The following IGSF11 variants were observed in gnomAD, a reference collection of about 807,000 sequenced individuals.
IGSF11 encodes immunoglobulin superfamily member 11, also known as CXADR like 1.
In IGSF11, 22 loss-of-function variants were observed where a neutral mutation model predicts 41.0. That is an observed-to-expected ratio of 0.54 (90% CI 0.38 to 0.77). IGSF11 has a LOEUF of 0.77. Ranked by LOEUF, IGSF11 falls within the 30% of genes least tolerant of loss-of-function variation. The pLI, the probability that IGSF11 is intolerant of heterozygous loss-of-function variation, is 0.00. For missense variants in IGSF11, 444 were observed against 530.8 expected, an observed-to-expected ratio of 0.84 and a Z score of 1.61; for synonymous variants, 219 against 201.3, an observed-to-expected ratio of 1.09 and a Z score of -0.74.
intron 1 of IGSF11, among the ~76,000 whole-genome samples, chr3:119,103,525 G>A (rs2076972071): frequency 6.6e-6 from 1 of 152,070 alleles, no homozygotes; most frequent in Non-Finnish European, 1.5e-5. Context: ...TTTCTGCTAA[G>A]CCAAGAATTT....
At chr3:119,129,326 T>C (rs1032912196) in intron 1 of IGSF11, among the ~76,000 whole-genome samples, 14 of 152,110 alleles carry the variant, frequency 9.2e-5, no homozygotes, top group African/African-American at 3.1e-4. Context: ...TCTAAAGGTA[T>C]AAAATTCACT....
In IGSF11 at chr3:118,902,460, C is replaced by T. The variant is rs188729492; in HGVS notation, c.*60G>A. 4 of 657,354 alleles carry T rather than the reference C, an allele frequency of 6.1e-6. No homozygotes were observed. In the Admixed American group the frequency reaches 8.4e-5, roughly 14 times the overall value. The allele number at this position is 657,354 out of a possible 1,614,324, so 40.7% of individuals were successfully genotyped here. On this transcript the variant is annotated 3_prime_UTR_variant, in exon 7 of 7. Coordinates refer to ENST00000393775, the MANE Select transcript of IGSF11 (RefSeq NM_001015887.3). ...CTTTCCCAGCACTCCCCACCCCACC[C>T]TCCCCCTTGTATGAGGGCATTCCAT...
chr3:119,022,526 T>C (rs949976044), intron 1 of IGSF11, among the ~76,000 whole-genome samples: 2 of 152,208 alleles, frequency 1.3e-5, no homozygotes, highest in Non-Finnish European at 2.9e-5. Flanking sequence ...GTGAATTATA[T>C]CTCAATAAAG....
intron 4 of IGSF11, among the ~76,000 whole-genome samples, chr3:118,906,038 AG>A (rs527737609): frequency 1.0e-3 from 159 of 152,340 alleles, no homozygotes; most frequent in African/African-American, 3.7e-3. Flanking sequence ...AGGGAATTTA[AG>A]GTAACACCAA....
At chr3:119,009,367 G>C (rs1937817514) in intron 1 of IGSF11, among the ~76,000 whole-genome samples, 1 of 152,164 alleles carries the variant, frequency 6.6e-6, no homozygotes, top group African/African-American at 2.4e-5. Context: ...ACCTAGAATT[G>C]TAATCCCCAC....
intron 1 of IGSF11, among the ~76,000 whole-genome samples, chr3:119,044,443 A>G (rs935327521): frequency 2.6e-5 from 4 of 152,040 alleles, no homozygotes; most frequent in African/African-American, 7.2e-5. Flanking sequence ...AAGAATAATT[A>G]GTATTCCTGA....
chr3:119,003,800 C>T (rs1383265052), intron 1 of IGSF11, among the ~76,000 whole-genome samples: 1 of 151,158 alleles, frequency 6.6e-6, no homozygotes, highest in Non-Finnish European at 1.5e-5. Context: ...GCCTTGCATC[C>T]CAGGGATGAA....
At chr3:118,958,559 T>C (rs1021657423) in intron 1 of IGSF11, among the ~76,000 whole-genome samples, 3 of 152,032 alleles carry the variant, frequency 2.0e-5, no homozygotes, top group Admixed American at 2.0e-4. Context: ...AGCAGCAAGA[T>C]AAAAAAATTA....
intron 1 of IGSF11, among the ~76,000 whole-genome samples, chr3:119,005,192 G>C (rs1231234990): frequency 6.9e-6 from 1 of 145,770 alleles, no homozygotes; most frequent in Non-Finnish European, 1.5e-5. Flanking sequence ...TCCTCTTGTT[G>C]AATTGATCCC....
intron 1 of IGSF11, among the ~76,000 whole-genome samples, chr3:119,003,804 G>C (rs1351984831): frequency 6.6e-6 from 1 of 151,294 alleles, no homozygotes; most frequent in Non-Finnish European, 1.5e-5. Context: ...TGCATCCCAG[G>C]GATGAAGCCC....
rs191859946 is a variant in IGSF11 at position 118,993,660 on chromosome 3, A to G, written c.52+40871T>C. Among the ~76,000 whole-genome samples, 29 of 152,352 alleles carry G rather than the reference A, an allele frequency of 1.9e-4. 1 individual carries two copies. The highest frequency in any genetic ancestry group is 6.7e-4 in the African/African-American group (28 of 41,580). ...AAAAAGTTATATATCCATACATGTA[A>G]TATTATTCAGCAATAAAAAGCAATA... is the stretch of plus-strand genomic sequence containing the variant. On this transcript the variant is annotated intron_variant, in intron 1 of 6. Coordinates refer to ENST00000393775, the MANE Select transcript of IGSF11 (RefSeq NM_001015887.3).
At chr3:119,140,440 A>T (rs937900831) in intron 1 of IGSF11, among the ~76,000 whole-genome samples, 2 of 152,182 alleles carry the variant, frequency 1.3e-5, no homozygotes, top group South Asian at 4.1e-4. Flanking sequence ...AAACACATAT[A>T]GCCCTAACAA....
At chr3:119,072,138 T>C (rs1396422403) in intron 1 of IGSF11, among the ~76,000 whole-genome samples, 1 of 152,234 alleles carries the variant, frequency 6.6e-6, no homozygotes, top group East Asian at 1.9e-4. Flanking sequence ...TTCCGTGAGA[T>C]TTCTTTGTTT....
chr3:118,966,789 A>G (rs560376329), intron 1 of IGSF11, among the ~76,000 whole-genome samples: 28 of 152,342 alleles, frequency 1.8e-4, no homozygotes, highest in African/African-American at 6.0e-4. Context: ...CTTATTCTTT[A>G]TATCTAGTTT....
At chr3:119,078,725 C>A (rs114642120) in intron 1 of IGSF11, among the ~76,000 whole-genome samples, 417 of 152,062 alleles carry the variant, frequency 2.7e-3, no homozygotes, top group African/African-American at 9.4e-3. Context: ...TGGGACCTAA[C>A]AAAACTAAAG....
At chr3:118,958,890 G>A (rs970970996) in intron 1 of IGSF11, among the ~76,000 whole-genome samples, 5 of 152,126 alleles carry the variant, frequency 3.3e-5, no homozygotes, top group Admixed American at 3.3e-4. Context: ...TAGGAACCGT[G>A]GAGAATACGA....
intron 1 of IGSF11, among the ~76,000 whole-genome samples, chr3:119,120,257 G>C (rs2077314520): frequency 6.6e-6 from 1 of 152,144 alleles, no homozygotes; most frequent in Non-Finnish European, 1.5e-5. Context: ...TAGAAAGCCA[G>C]GGCTTAAAAA....
At chr3:119,073,500 C>T (rs934578608) in intron 1 of IGSF11, among the ~76,000 whole-genome samples, 5 of 152,192 alleles carry the variant, frequency 3.3e-5, no homozygotes, top group Non-Finnish European at 7.4e-5. Context: ...GGGAGCCCAC[C>T]GTGGGGGGGC....
intron 1 of IGSF11, among the ~76,000 whole-genome samples, chr3:118,966,006 A>AG (rs1945650236): frequency 6.6e-6 from 1 of 151,396 alleles, no homozygotes; most frequent in South Asian, 2.1e-4. Flanking sequence ...CACAGAAATG[A>AG]GAAAAAAAAA....
Sources: gnomAD v4.1 joint callset for allele counts (sites outside exome capture counted in the v4.1 genomes callset) on GRCh38, gnomAD v4.1.1 for gene constraint, MANE v1.5 for transcripts, NCBI Gene and HGNC (gene_info 2026-07-23, HGNC 2026-07-21) for gene names.